Variants in GNL2 observed in about 807,000 individuals in gnomAD.
GNL2 encodes the protein nucleolar GTP-binding protein 2.
In GNL2, 51 loss-of-function variants were observed where a neutral mutation model predicts 92.3. The observed-to-expected ratio is 0.55, with a 90% CI of 0.44 to 0.70. The LOEUF is 0.70. GNL2 is among the 30% of genes least tolerant of loss of function. The pLI is 0.00. For missense variants in GNL2, 844 were observed against 895.6 expected (o/e 0.94, Z 0.74); for synonymous variants, 283 against 300.6 (o/e 0.94, Z 0.61).
intron 5 of GNL2, among the ~76,000 whole-genome samples, chr1:37,585,285 C>T (rs1254057217): frequency 1.3e-5 from 2 of 151,942 alleles, no homozygotes; most frequent in Non-Finnish European, 2.9e-5. Context: ...TCTCAAACTA[C>T]TGACCTCAGG....
intron 4 of GNL2, among the ~76,000 whole-genome samples, chr1:37,589,857 A>C (rs904069548): frequency 6.6e-6 from 1 of 152,206 alleles, no homozygotes; most frequent in African/African-American, 2.4e-5. Flanking sequence ...GCTGAGAAAA[A>C]ATCTCAAGGA....
intron 12 of GNL2, chr1:37,569,600 TC>T (rs1413686423): frequency 1.3e-5 from 4 of 296,500 alleles, no homozygotes; most frequent in African/African-American, 8.7e-5. Flanking sequence ...CCCTAGACCT[TC>T]CCTAGGGGGC....
Position 37,579,027 on chromosome 1 carries a change from T to A in GNL2, c.910-2471A>T, listed in dbSNP as rs1423564379. On this transcript the variant is annotated intron_variant, in intron 8 of 15. Transcript: ENST00000373062. ...AAAATTTTTAAAGTAAAAGAAAAAATTTTTAAGCGTGACTGTAGCAGAAAA... is the reference window on the plus strand; with the variant it reads ...AAAATTTTTAAAGTAAAAGAAAAAAATTTTAAGCGTGACTGTAGCAGAAAA... Among the ~76,000 whole-genome samples, 4 of 151,704 alleles carry A rather than the reference T, an allele frequency of 2.6e-5. No homozygotes were observed. In the East Asian group the frequency reaches 7.7e-4, roughly 29 times the overall value.
Position 37,568,302 on chromosome 1 carries a change from T to G in GNL2, c.1924A>C (p.Thr642Pro), listed in dbSNP as rs763712619. Reference protein sequence around the residue: ...IFAKPEEQRKTLEEDVDDRAP... With the variant: ...IFAKPEEQRKPLEEDVDDRAP... ...CTGTCATCTACATCTTCTTCCAGTG[T>G]TTTTCTTTGTTCTTCAGGTTTTGCA... is the stretch of plus-strand genomic sequence containing the variant. The change falls in exon 14 of 16, where the codon ACA becomes CCA. Residue 642 changes from threonine to proline, a missense_variant. Transcript: ENST00000373062. The G allele has an allele frequency of 1.2e-6, 2 of 1,606,624 alleles. No homozygotes were observed. Among genetic ancestry groups the G allele is most frequent in the South Asian group, 2.2e-5 (2 of 90,938 alleles).
chr1:37,571,920 C>T (rs1461082822), intron 12 of GNL2, among the ~76,000 whole-genome samples: 1 of 152,124 alleles, frequency 6.6e-6, no homozygotes, highest in Non-Finnish European at 1.5e-5. Flanking sequence ...CAATGGCTTC[C>T]CACCATGACA....
intron 5 of GNL2, among the ~76,000 whole-genome samples, chr1:37,584,972 C>G (rs1445169253): frequency 6.6e-6 from 1 of 150,974 alleles, no homozygotes; most frequent in Non-Finnish European, 1.5e-5. Flanking sequence ...ATCCCAGCCA[C>G]TCGGGAGGCT....
chr1:37,581,402 TGAC>T, intron 8 of GNL2: 1 of 456,038 alleles, frequency 2.2e-6, no homozygotes, highest in Non-Finnish European at 4.4e-6. Flanking sequence ...CCTCAGGAGC[TGAC>T]GTCTGACCAG....
In GNL2 at chr1:37,585,658, A is replaced by G. The variant is rs191799443; in HGVS notation, c.569+1653T>C. 5.2e-3 allele frequency among the ~76,000 whole-genome samples: 790 copies of G among 152,318 alleles called. 10 individuals are homozygous for G. The highest frequency in any genetic ancestry group is 0.018 in the African/African-American group (756 of 41,566). On this transcript the variant is annotated intron_variant, in intron 5 of 15. Transcript: ENST00000373062. ...AATCGGCAGAATACAAAGCCAACGA[A>G]AGTTCAAATAATTCTAAGAACAAAT...
chr1:37,569,261 G>A lies in GNL2; in HGVS notation c.1458C>T (p.Ala486=), dbSNP rs1643558655. The stretch of plus-strand genomic sequence containing the variant: ...TGACTTCCTCCCCTGGATTGTTCTG[G>A]GCTGCTTCTGGGACAACTTCCAAAG... ...SSSLEVVPEA[A]QNNPGEEVTE... is the part of the protein sequence containing the mutation. The change falls in exon 13 of 16, where the codon GCC becomes GCT. Residue 486 remains alanine (A), a synonymous_variant. Coordinates refer to ENST00000373062, the MANE Select transcript of GNL2 (RefSeq NM_013285.3). The A allele has an allele frequency of 6.8e-6, 11 of 1,612,818 alleles. No individual in the cohort carries two copies. Among genetic ancestry groups the A allele is most frequent in the Middle Eastern group, 3.3e-4 (2 of 6,062 alleles).
chr1:37,584,260 G>A (rs1643817153), intron 5 of GNL2, among the ~76,000 whole-genome samples: 1 of 151,798 alleles, frequency 6.6e-6, no homozygotes, highest in Non-Finnish European at 1.5e-5. Context: ...ACCAGCCTGG[G>A]CAACATGGCA....
intron 5 of GNL2, among the ~76,000 whole-genome samples, chr1:37,585,082 C>G (rs1217108542): frequency 1.5e-5 from 1 of 65,554 alleles, no homozygotes; most frequent in Admixed American, 1.7e-4. Flanking sequence ...TTTTTTGAGA[C>G]GGAGTCTCGC....
intron 11 of GNL2, 62 bp from the exon 12 acceptor site, chr1:37,574,518 G>C (rs914368355): frequency 5.8e-5 from 85 of 1,465,866 alleles, no homozygotes; most frequent in Non-Finnish European, 7.9e-5. Flanking sequence ...TACCACTTTG[G>C]GGGTATTTCA....
chr1:37,569,615 T>C, intron 12 of GNL2: 1 of 265,194 alleles, frequency 3.8e-6, no homozygotes, highest in Non-Finnish European at 7.2e-6. Context: ...AGGGGGCTGC[T>C]GATATAAGCA....
At chr1:37,581,618 CTT>C in intron 8 of GNL2, 5 of 420,652 alleles carry the variant, frequency 1.2e-5, no homozygotes, top group South Asian at 6.6e-5. Context: ...TTCAGAATCT[CTT>C]ATAATCCTGA....
At chr1:37,571,715 C>T (rs1341614859) in intron 12 of GNL2, among the ~76,000 whole-genome samples, 2 of 152,202 alleles carry the variant, frequency 1.3e-5, no homozygotes, top group Non-Finnish European at 2.9e-5. Flanking sequence ...TATTGACTTG[C>T]TGTGTGCATT....
At position 37,574,798 on chromosome 1, in the gene GNL2, G is replaced by A. The variant is rs372944474; in HGVS notation, c.1169C>T (p.Pro390Leu). 14 of 1,611,710 alleles carry A rather than the reference G, an allele frequency of 8.7e-6. No individual in the cohort carries two copies. The African/African-American group carries it at 1.5e-4, about 17-fold the overall frequency. Reference sequence around the variant, plus strand: ...AAGTACAGCACCAATGTGGTCTTCAGGACTCTTAATTTTTTCTACTTGAAC... The same window carrying A: ...AAGTACAGCACCAATGTGGTCTTCAAGACTCTTAATTTTTTCTACTTGAAC... ...GVVQVEKIKSPEDHIGAVLER... is the reference protein window; with the variant it reads ...GVVQVEKIKSLEDHIGAVLER... The change falls in exon 11 of 16, where the codon CCT becomes CTT. Residue 390 changes from proline (P) to leucine (L), a missense_variant. By Grantham distance (98) the Pro-to-Leu change is moderately conservative. Transcript: ENST00000373062.
intron 1 of GNL2, among the ~76,000 whole-genome samples, chr1:37,595,196 A>T (rs1366386570): frequency 6.6e-6 from 1 of 152,102 alleles, no homozygotes; most frequent in Non-Finnish European, 1.5e-5. Context: ...AATGGAAGGA[A>T]CTCTCCCATA....
intron 11 of GNL2, 97 bp from the exon 12 acceptor site, chr1:37,574,553 T>G (rs1432279956): frequency 2.9e-6 from 4 of 1,393,148 alleles, no homozygotes; most frequent in Non-Finnish European, 4.1e-6. Context: ...TCATCATCAC[T>G]TAAGTGACAA....
intron 5 of GNL2, among the ~76,000 whole-genome samples, chr1:37,586,183 T>A (rs1441146825): frequency 1.3e-5 from 2 of 152,230 alleles, no homozygotes; most frequent in East Asian, 3.9e-4. Flanking sequence ...AGAAATATAT[T>A]CCTAATAATC....
Sources: allele counts gnomAD v4.1 joint callset (sites outside exome capture counted in the v4.1 genomes callset), GRCh38; gene constraint gnomAD v4.1.1; transcripts MANE v1.5; gene names NCBI Gene and HGNC (gene_info 2026-07-23, HGNC 2026-07-21).